Variants in GREB1 observed in about 807,000 individuals in gnomAD.
GREB1 encodes growth regulating estrogen receptor binding 1, also known as protein GREB1.
A neutral mutation model predicts 200.7 loss-of-function variants in GREB1; 106 were observed. That is an observed-to-expected ratio of 0.53 (90% confidence interval 0.45 to 0.62). The LOEUF (loss-of-function observed/expected upper bound fraction) is 0.62. GREB1 is among the 20% of genes least tolerant of loss of function. The pLI, the probability that GREB1 is intolerant of heterozygous loss-of-function variation, is 0.00. For missense variants in GREB1, 2,243 were observed against 2,556.8 expected, an observed-to-expected ratio of 0.88 and a Z score of 2.65; for synonymous variants, 1,132 against 1,092.4, an observed-to-expected ratio of 1.04 and a Z score of -0.72.
At position 11,556,486 on chromosome 2, in the gene GREB1, G is replaced by C; in HGVS notation, c.-129G>C. On this transcript the variant is annotated 5_prime_UTR_variant, in exon 2 of 33. Coordinates refer to ENST00000381486, the MANE Select transcript of GREB1 (RefSeq NM_014668.4). Reference sequence around the variant, plus strand: ...AGCTGAGGACAGCCACCCTTTCTTCGTCTCTGCTGAGCGAAGGCTACACGG... The same window carrying C: ...AGCTGAGGACAGCCACCCTTTCTTCCTCTCTGCTGAGCGAAGGCTACACGG... 2 of 677,580 alleles carry C rather than the reference G, an allele frequency of 3.0e-6. No homozygotes were observed. Among genetic ancestry groups the C allele is most frequent in the Non-Finnish European group, 4.9e-6 (2 of 409,452 alleles). The allele number at this position is 677,580 out of a possible 1,614,324, so 42.0% of individuals were successfully genotyped here.
intron 14 of GREB1, 145 bp downstream of exon 14, chr2:11,598,123 C>A: frequency 1.4e-6 from 1 of 737,434 alleles, no homozygotes; most frequent in Non-Finnish European, 2.4e-6. Context: ...AACTGATGTT[C>A]AGAGACAGTG....
intron 1 of GREB1, among the ~76,000 whole-genome samples, chr2:11,524,051 T>TCA (rs144358585): frequency 0.17 from 25,031 of 150,358 alleles, 2,301 homozygotes; most frequent in African/African-American, 0.26. Flanking sequence ...GCATGCACAC[T>TCA]CACACACACA....
At chr2:11,519,028 C>T (rs1392928372) in intron 1 of GREB1, among the ~76,000 whole-genome samples, 7 of 147,092 alleles carry the variant, frequency 4.8e-5, no homozygotes, top group Non-Finnish European at 7.4e-5. Context: ...ACCCAGGAGG[C>T]GGAGCTTGCA....
At chr2:11,628,812 C>T (rs1049586801) in intron 25 of GREB1, among the ~76,000 whole-genome samples, 2 of 151,958 alleles carry the variant, frequency 1.3e-5, no homozygotes, top group African/African-American at 2.4e-5. Flanking sequence ...GAGAGGCAGC[C>T]GGCTGGGCTG....
At chr2:11,497,153 A>T (rs1347546913) in intron 1 of GREB1, among the ~76,000 whole-genome samples, 1 of 152,150 alleles carries the variant, frequency 6.6e-6, no homozygotes, top group Admixed American at 6.5e-5. Flanking sequence ...GCAATTGGTG[A>T]TCTGTTCTCT....
At chr2:11,538,088 C>T (rs1674383431) in intron 1 of GREB1, among the ~76,000 whole-genome samples, 1 of 152,190 alleles carries the variant, frequency 6.6e-6, no homozygotes, top group East Asian at 1.9e-4. Flanking sequence ...CAGTGTGCCT[C>T]CCCAACGAGT....
chr2:11,485,595 T>TA (rs1672638364), intron 1 of GREB1, among the ~76,000 whole-genome samples: 2 of 152,202 alleles, frequency 1.3e-5, no homozygotes. Context: ...TTGAAACATC[T>TA]GTGTTTCTCA....
At chr2:11,592,669 C>T (rs1041769722) in intron 10 of GREB1, 107 bp from the exon 11 acceptor site, 2 of 686,084 alleles carry the variant, frequency 2.9e-6, no homozygotes, top group Admixed American at 4.0e-5. Context: ...ATCTGTGATA[C>T]GATTTCACAG....
At chr2:11,518,290 A>C (rs1045844636) in intron 1 of GREB1, among the ~76,000 whole-genome samples, 3 of 152,232 alleles carry the variant, frequency 2.0e-5, no homozygotes, top group African/African-American at 7.2e-5. Context: ...CACATTAAAA[A>C]AATTCGTGTA....
At position 11,621,025 on chromosome 2, in the gene GREB1, G is replaced by T; in HGVS notation, c.4147+18G>T. The T allele has an allele frequency of 2.1e-6, 3 of 1,406,840 alleles. No homozygotes were observed. Among genetic ancestry groups the T allele is most frequent in the Non-Finnish European group, 2.0e-6 (2 of 990,720 alleles). The allele number at this position is 1,406,840 out of a possible 1,614,324, so 87.1% of individuals were successfully genotyped here. On this transcript the variant is annotated intron_variant, in intron 23 of 32. Transcript: ENST00000381486. ...CAATATCAGTGAGTTATCTGTTTGG[G>T]GTTATGTGGGCTTGGAGCCACCTTC... is the stretch of plus-strand genomic sequence containing the variant.
chr2:11,562,148 A>C (rs1427144070), intron 2 of GREB1, among the ~76,000 whole-genome samples: 2 of 152,194 alleles, frequency 1.3e-5, no homozygotes, highest in African/African-American at 4.8e-5. Flanking sequence ...ATGAACCTGA[A>C]TTTGGAGTCA....
intron 24 of GREB1, 122 bp from the exon 25 acceptor site, chr2:11,626,840 C>T: frequency 9.9e-7 from 1 of 1,015,054 alleles, no homozygotes; most frequent in Non-Finnish European, 1.5e-6. Context: ...AGGCAGTCCT[C>T]CCCAACCAGA....
At chr2:11,534,458 C>T (rs192195626) in intron 1 of GREB1, among the ~76,000 whole-genome samples, 12 of 152,308 alleles carry the variant, frequency 7.9e-5, no homozygotes, top group Admixed American at 5.9e-4. Flanking sequence ...TCAAAACAAG[C>T]GTTATAGCTG....
At chr2:11,570,624 A>G (rs1215686474) in intron 4 of GREB1, among the ~76,000 whole-genome samples, 2 of 151,834 alleles carry the variant, frequency 1.3e-5, no homozygotes, top group Non-Finnish European at 2.9e-5. Context: ...CTTTATGTGT[A>G]GGTCCTTCCT....
intron 21 of GREB1, 107 bp from the exon 22 acceptor site, chr2:11,618,178 ACAG>A (rs1683622382): frequency 6.6e-6 from 6 of 905,880 alleles, no homozygotes; most frequent in African/African-American, 6.0e-5. Context: ...GACTCCTGGG[ACAG>A]GTCACTCCTG....
Position 11,633,336 on chromosome 2 carries a change from G to T in GREB1, c.4991+273G>T, listed in dbSNP as rs1451467221. 6.6e-6 allele frequency among the ~76,000 whole-genome samples: 1 copy of T among 152,086 alleles called. No homozygotes were observed. Among genetic ancestry groups the T allele is most frequent in the Non-Finnish European group, 1.5e-5 (1 of 68,022 alleles). ...CCAGCACTTTGGGAGGCTGAGGTGG[G>T]TGGATCACGAGGTCAGGAGATCGAG... On this transcript the variant is annotated intron_variant, in intron 28 of 32. Transcript: ENST00000381486. The surrounding 1 kb of genome is among the most constrained non-coding windows in gnomAD (Gnocchi z 4.1).
chr2:11,544,238 T>G (rs1675031890), intron 1 of GREB1, among the ~76,000 whole-genome samples: 1 of 152,092 alleles, frequency 6.6e-6, no homozygotes, highest in Admixed American at 6.6e-5. Flanking sequence ...TATTTTGAGA[T>G]GAAGTCTTGC....
rs144675370 is a variant in GREB1, at chr2:11,587,150, G to A, written c.1159+1245G>A. Among the ~76,000 whole-genome samples the A allele has an allele frequency of 1.8e-3, 268 of 152,224 alleles. 2 individuals carry two copies. The highest frequency in any genetic ancestry group is 6.1e-3 in the African/African-American group (255 of 41,542). ...GCTCTGCTCCCTCCGCTGCCTCTCTGTTTACACTGCACCCCTCGCTGTAAA... is the reference window on the plus strand; with the variant it reads ...GCTCTGCTCCCTCCGCTGCCTCTCTATTTACACTGCACCCCTCGCTGTAAA... On this transcript the variant is annotated intron_variant, in intron 9 of 32. Coordinates refer to ENST00000381486, the MANE Select transcript of GREB1 (RefSeq NM_014668.4).
chr2:11,593,086 C>A lies in GREB1; in HGVS notation c.1656C>A (p.Ala552=). The part of the protein sequence containing the change: ...AKTNYVVIIC[A]CRSAAIDSCI... ...CCAACTACGTGGTCATCATCTGCGC[C>A]TGCCGCAGCGCGGCCATCGACTCCT... The change falls in exon 11 of 33, where the codon GCC becomes GCA. Residue 552 remains alanine (A), a synonymous_variant. Transcript: ENST00000381486. 6.2e-7 allele frequency: 1 copy of A among 1,610,428 alleles called. No homozygotes were observed. Among genetic ancestry groups the A allele is most frequent in the Non-Finnish European group, 8.5e-7 (1 of 1,178,478 alleles).
Sources: gnomAD v4.1 joint callset for allele counts (sites outside exome capture counted in the v4.1 genomes callset) on GRCh38, gnomAD v4.1.1 for gene constraint, Gnocchi (gnomAD v3.1) non-coding constraint, MANE v1.5 for transcripts, NCBI Gene and HGNC (gene_info 2026-07-23, HGNC 2026-07-21) for gene names.